UGT1A4: variants seen among roughly 807,000 people sequenced by gnomAD.
The protein encoded by UGT1A4 is UDP glucuronosyltransferase family 1 member A4, also known as UDP-glucuronosyltransferase 1A4.
Under a neutral mutation model 41.1 loss-of-function variants are expected in UGT1A4, and 32 were observed. The observed-to-expected ratio is 0.78, with a 90% CI of 0.59 to 1.05. UGT1A4 has a LOEUF of 1.05. UGT1A4 is among the 50% of genes least tolerant of loss of function. The pLI is 0.00. For synonymous variants in UGT1A4, 283 were observed against 265.1 expected, an observed-to-expected ratio of 1.07 and a Z score of -0.66; for missense variants, 748 against 677.4, an observed-to-expected ratio of 1.10 and a Z score of -1.16.
At chr2:233,727,532 C>T (rs1479523178) in intron 1 of UGT1A4, among the ~76,000 whole-genome samples, 28 of 152,260 alleles carry the variant, frequency 1.8e-4, no homozygotes, top group Middle Eastern at 6.8e-3. Context: ...CACTACCAGG[C>T]GTGTTCCACC....
At position 233,768,160 on chromosome 2, in the gene UGT1A4, G is replaced by A. The variant is rs35295390; in HGVS notation, c.1088-60G>A. The A allele has an allele frequency of 1.5e-4, 241 of 1,613,276 alleles. 1 individual carries two copies. The African/African-American group carries it at 2.5e-3, about 17-fold the overall frequency. ...TTTGGAGTGTTTTCAGAACCTAGAT[G>A]TGTCCAGCTGTGAAACTCAGAGATG... On this transcript the variant is annotated intron_variant, in intron 3 of 4. Coordinates refer to ENST00000373409, the MANE Select transcript of UGT1A4 (RefSeq NM_007120.3).
At chr2:233,738,500 C>T (rs1380943528) in intron 1 of UGT1A4, among the ~76,000 whole-genome samples, 1 of 152,068 alleles carries the variant, frequency 6.6e-6, no homozygotes, top group Admixed American at 6.5e-5. Context: ...CGGTTTTGAC[C>T]AAAATGCTGA....
chr2:233,761,165 T>A (rs1323342436), intron 1 of UGT1A4: 1 of 1,614,204 alleles, frequency 6.2e-7, no homozygotes, highest in Non-Finnish European at 8.5e-7. Context: ...TGTATTGGAG[T>A]GGGACTTTTA....
intron 1 of UGT1A4, among the ~76,000 whole-genome samples, chr2:233,732,961 T>G (rs2078342665): frequency 6.6e-6 from 1 of 152,188 alleles, no homozygotes; most frequent in Non-Finnish European, 1.5e-5. Context: ...GTTCTTCCAT[T>G]TGTTTGTGTC....
intron 1 of UGT1A4, among the ~76,000 whole-genome samples, chr2:233,724,520 T>C (rs200973045): frequency 0.41 from 41,671 of 101,172 alleles, 10,045 homozygotes; most frequent in African/African-American, 0.66. Flanking sequence ...ACCTCCCAGA[T>C]GGGGTCTCGC....
At chr2:233,741,541 C>T (rs1479891345) in intron 1 of UGT1A4, 1 of 151,844 alleles carries the variant, frequency 6.6e-6, no homozygotes, top group Non-Finnish European at 1.5e-5. Flanking sequence ...TATTCTGATA[C>T]TTCTTTTATG....
intron 1 of UGT1A4, chr2:233,747,491 G>T: frequency 6.2e-7 from 1 of 1,608,968 alleles, no homozygotes; most frequent in Non-Finnish European, 8.5e-7. Context: ...ATCGCCTTGT[G>T]CTGGGCCACA....
At position 233,769,829 on chromosome 2, in the gene UGT1A4, A is replaced by C; in HGVS notation, c.1307+1390A>C. 1.4e-6 allele frequency: 1 copy of C among 707,246 alleles called. No homozygotes were observed. Among genetic ancestry groups the C allele is most frequent in the East Asian group, 3.2e-5 (1 of 31,212 alleles). The allele number at this position is 707,246 out of a possible 1,614,324, so 43.8% of individuals were successfully genotyped here. On this transcript the variant is annotated intron_variant, in intron 4 of 4. Transcript: ENST00000373409. This position sits in a 1 kb window ranked among gnomAD's most constrained non-coding sequence, Gnocchi z 4.4. ...GTGATCATGCCACTGCACTCCAGCA[A>C]CCTGGGCAACAGAGTGAGACCCTGT...
intron 1 of UGT1A4, among the ~76,000 whole-genome samples, chr2:233,750,424 A>T (rs1378744629): frequency 2.6e-5 from 4 of 151,872 alleles, no homozygotes; most frequent in Non-Finnish European, 5.9e-5. Context: ...GAAAAGAAAA[A>T]CCCATTTTAT....
intron 1 of UGT1A4, chr2:233,741,630 C>G (rs1050074339): frequency 1.3e-5 from 2 of 151,896 alleles, no homozygotes; most frequent in African/African-American, 4.9e-5. Flanking sequence ...CCATGAGCCC[C>G]TGTGGGATGG....
intron 1 of UGT1A4, among the ~76,000 whole-genome samples, chr2:233,748,510 G>A (rs1250005538): frequency 1.3e-5 from 2 of 151,856 alleles, no homozygotes; most frequent in Non-Finnish European, 2.9e-5. Context: ...TAGTGGTCCT[G>A]TCTTGCGAAT....
intron 1 of UGT1A4, among the ~76,000 whole-genome samples, chr2:233,764,715 A>C (rs1025640523): frequency 2.0e-5 from 3 of 152,182 alleles, no homozygotes; most frequent in African/African-American, 7.2e-5. Context: ...TGTCTCCCCA[A>C]GAAAGAGGGA....
intron 1 of UGT1A4, among the ~76,000 whole-genome samples, chr2:233,728,134 C>T (rs1335852512): frequency 1.3e-5 from 2 of 152,184 alleles, no homozygotes; most frequent in Non-Finnish European, 2.9e-5. Flanking sequence ...GACTAGGGCC[C>T]CCACAAATTG....
chr2:233,747,268 C>T lies in UGT1A4; in HGVS notation c.868-19766C>T, dbSNP rs567491863. On this transcript the variant is annotated intron_variant, in intron 1 of 4. Coordinates refer to ENST00000373409, the MANE Select transcript of UGT1A4 (RefSeq NM_007120.3). ...GTGGCTGGCCACAGGAGTGCTACTC[C>T]TTCTCAGTGCCCAGCCCTGGGCTGA... 3.1e-6 allele frequency: 5 copies of T among 1,599,420 alleles called. No individual in the cohort carries two copies. In the African/African-American group the frequency reaches 4.0e-5, roughly 13 times the overall value.
chr2:233,738,569 A>G (rs1031993936), intron 1 of UGT1A4, among the ~76,000 whole-genome samples: 1 of 152,222 alleles, frequency 6.6e-6, no homozygotes, highest in African/African-American at 2.4e-5. Context: ...GAATCTGTTG[A>G]GAACTGGAGC....
In UGT1A4 at chr2:233,764,214, G is replaced by A. The variant is rs17864706; in HGVS notation, c.868-2820G>A. On this transcript the variant is annotated intron_variant, in intron 1 of 4. Transcript: ENST00000373409. ...GGGGCATCTCATCTTTTCTTTGAAG[G>A]GAATCAATGGTGGGGGATTGGAGTG... 2.6e-3 allele frequency among the ~76,000 whole-genome samples: 394 copies of A among 152,268 alleles called. 1 individual carries two copies. Among genetic ancestry groups the A allele is most frequent in the Non-Finnish European group, 3.9e-3 (266 of 68,024 alleles).
At chr2:233,726,038 C>T (rs1360509529) in intron 1 of UGT1A4, among the ~76,000 whole-genome samples, 1 of 152,198 alleles carries the variant, frequency 6.6e-6, no homozygotes, top group African/African-American at 2.4e-5. Context: ...TGATGGCGCA[C>T]ACCTGTGGTC....
intron 1 of UGT1A4, chr2:233,729,592 C>G (rs1253832448): frequency 6.2e-7 from 1 of 1,613,966 alleles, no homozygotes; most frequent in African/African-American, 1.3e-5. Context: ...CCCCGTTAAC[C>G]TCTGCGCGGC....
chr2:233,752,890 C>T lies in UGT1A4; in HGVS notation c.868-14144C>T, dbSNP rs537828663. Among the ~76,000 whole-genome samples, 6 of 152,322 alleles carry T rather than the reference C, an allele frequency of 3.9e-5. No homozygotes were observed. In the East Asian group the frequency reaches 1.2e-3, roughly 29 times the overall value. On this transcript the variant is annotated intron_variant, in intron 1 of 4. Coordinates refer to ENST00000373409, the MANE Select transcript of UGT1A4 (RefSeq NM_007120.3). Reference sequence around the variant, plus strand: ...GCTTTCAACTGTTAAAACTAGCCAGCGTTGTTACAGATCCACCTCTGAGTG... The same window carrying T: ...GCTTTCAACTGTTAAAACTAGCCAGTGTTGTTACAGATCCACCTCTGAGTG...
Sources: allele counts gnomAD v4.1 joint callset (sites outside exome capture counted in the v4.1 genomes callset), GRCh38; gene constraint gnomAD v4.1.1; non-coding constraint Gnocchi (gnomAD v3.1); transcripts MANE v1.5; gene names NCBI Gene and HGNC (gene_info 2026-07-23, HGNC 2026-07-21).